Variants in BTAF1 observed in about 807,000 individuals in gnomAD.
BTAF1 encodes TATA-binding protein-associated factor 172.
A neutral mutation model predicts 227.1 loss-of-function variants in BTAF1; 38 were observed. That is an observed-to-expected ratio of 0.17 (90% CI 0.13 to 0.22). The LOEUF is 0.22. Among genes scored for constraint, BTAF1 ranks in the 10% least tolerant of loss-of-function variants. BTAF1 has a pLI of 1.00. For synonymous variants in BTAF1, 742 were observed against 751.9 expected, an observed-to-expected ratio of 0.99 and a Z score of 0.21; for missense variants, 1,598 against 2,204.0, an observed-to-expected ratio of 0.73 and a Z score of 5.51.
intron 5 of BTAF1, among the ~76,000 whole-genome samples, chr10:91,952,843 G>A (rs1361704621): frequency 6.6e-6 from 1 of 152,092 alleles, no homozygotes; most frequent in Non-Finnish European, 1.5e-5. Flanking sequence ...GAGGATAATA[G>A]AATAAAAATG....
At chr10:91,984,846 T>C (rs921085923) in intron 19 of BTAF1, among the ~76,000 whole-genome samples, 2 of 152,202 alleles carry the variant, frequency 1.3e-5, no homozygotes, top group African/African-American at 4.8e-5. Flanking sequence ...ATTTACTTTA[T>C]CACATACGTA....
At chr10:91,941,272 G>A (rs956051144) in intron 3 of BTAF1, among the ~76,000 whole-genome samples, 4 of 152,022 alleles carry the variant, frequency 2.6e-5, no homozygotes, top group Non-Finnish European at 4.4e-5. Flanking sequence ...TAAAAAACTC[G>A]CATTAAGCTA....
intron 34 of BTAF1, among the ~76,000 whole-genome samples, chr10:92,021,424 C>T (rs1470368958): frequency 6.6e-6 from 1 of 152,018 alleles, no homozygotes; most frequent in African/African-American, 2.4e-5. Context: ...GAATTAGTTG[C>T]CAGTAAATAA....
intron 14 of BTAF1, among the ~76,000 whole-genome samples, chr10:91,972,594 C>T (rs925201099): frequency 2.0e-5 from 3 of 152,190 alleles, no homozygotes; most frequent in South Asian, 4.1e-4. Context: ...TTCTGAAAAG[C>T]TGTACGAATA....
intron 13 of BTAF1, among the ~76,000 whole-genome samples, chr10:91,964,901 T>A (rs999580904): frequency 1.3e-5 from 2 of 152,126 alleles, no homozygotes; most frequent in African/African-American, 4.8e-5. Flanking sequence ...TATGCAACTT[T>A]AAAAAATTCA....
chr10:91,973,776 C>T (rs1308167174), intron 14 of BTAF1, among the ~76,000 whole-genome samples: 4 of 150,266 alleles, frequency 2.7e-5, no homozygotes, highest in Non-Finnish European at 6.0e-5. Flanking sequence ...TAGTGGCGGG[C>T]GCCTGTAGTC....
At chr10:92,025,053 A>G in intron 35 of BTAF1, 86 bp downstream of exon 35, 3 of 1,134,694 alleles carry the variant, frequency 2.6e-6, no homozygotes, top group Non-Finnish European at 3.8e-6. Context: ...TTCATTGGCT[A>G]AATATCTGCA....
At chr10:91,961,941 T>A (rs1486845349) in intron 11 of BTAF1, among the ~76,000 whole-genome samples, 1 of 152,222 alleles carries the variant, frequency 6.6e-6, no homozygotes, top group African/African-American at 2.4e-5. Context: ...TTTGTGTGTG[T>A]GTGTATTCAC....
intron 15 of BTAF1, among the ~76,000 whole-genome samples, chr10:91,980,801 C>G (rs1848010960): frequency 6.6e-6 from 1 of 152,080 alleles, no homozygotes; most frequent in African/African-American, 2.4e-5. Context: ...TTTCTGATAG[C>G]CTCAATACAG....
Position 91,982,071 on chromosome 10 carries a change from CT to C in BTAF1, c.1906-11del. 6.3e-7 allele frequency: 1 copy of C among 1,596,168 alleles called. No homozygotes were observed. The highest frequency in any genetic ancestry group is 8.5e-7 in the Non-Finnish European group (1 of 1,172,874). On this transcript the variant is annotated splice_polypyrimidine_tract_variant and intron_variant, in intron 16 of 37. Transcript: ENST00000265990. The stretch of plus-strand genomic sequence containing the variant: ...TTAATCTTTATTGTTTTTTTTTCCC[CT>C]CCCTCTGTAGGAAAAAACAGGTGGT...
At chr10:91,946,274 G>A (rs1052643870) in intron 4 of BTAF1, among the ~76,000 whole-genome samples, 12 of 152,118 alleles carry the variant, frequency 7.9e-5, no homozygotes, top group African/African-American at 1.7e-4. Context: ...CAGGAGAATC[G>A]CTTCAACCTG....
intron 34 of BTAF1, among the ~76,000 whole-genome samples, chr10:92,022,837 G>A (rs990928384): frequency 6.6e-6 from 1 of 152,178 alleles, no homozygotes; most frequent in Non-Finnish European, 1.5e-5. Flanking sequence ...GCAAGATGTA[G>A]GGGTAATTAC....
chr10:91,956,603 T>C lies in BTAF1; in HGVS notation c.777T>C (p.Asn259=). The C allele has an allele frequency of 6.2e-7, 1 of 1,608,432 alleles. No homozygotes were observed. The highest frequency in any genetic ancestry group is 2.2e-5 in the East Asian group (1 of 44,696). ...ATGTTGTTATTAATCAGTCTGCAAA[T>C]GATTCCAAAGTCTTGATTGATAATA... ...IANVVINQSA[N]DSKVLIDNIP... Residue 259 remains asparagine, a synonymous_variant, in exon 7 of 38, where the codon AAT becomes AAC. Coordinates refer to ENST00000265990, the MANE Select transcript of BTAF1 (RefSeq NM_003972.3).
chr10:91,953,382 C>T (rs1845892524), intron 5 of BTAF1, among the ~76,000 whole-genome samples: 1 of 151,902 alleles, frequency 6.6e-6, no homozygotes, highest in South Asian at 2.1e-4. Flanking sequence ...TGATCAGTTT[C>T]TTCTATTGAC....
intron 34 of BTAF1, among the ~76,000 whole-genome samples, 179 bp downstream of exon 34, chr10:92,019,114 T>C (rs116734223): frequency 0.015 from 2,359 of 152,342 alleles, 46 homozygotes; most frequent in African/African-American, 0.054. Context: ...AAATATGCCA[T>C]TTTAACCATT....
At chr10:91,940,789 A>G (rs1253454761) in intron 3 of BTAF1, among the ~76,000 whole-genome samples, 1 of 151,958 alleles carries the variant, frequency 6.6e-6, no homozygotes, top group Non-Finnish European at 1.5e-5. Flanking sequence ...GGTTCAAGCA[A>G]TTCTTGTGCC....
intron 30 of BTAF1, among the ~76,000 whole-genome samples, chr10:92,012,729 C>T (rs1246382607): frequency 7.3e-6 from 1 of 136,850 alleles, no homozygotes; most frequent in Non-Finnish European, 1.5e-5. Context: ...CATGATCGTG[C>T]CATTGCACTG....
chr10:91,942,636 C>T (rs901524608), intron 4 of BTAF1, 68 bp downstream of exon 4: 34 of 1,525,924 alleles, frequency 2.2e-5, no homozygotes, highest in Non-Finnish European at 2.8e-5. Context: ...CTGTGGTATG[C>T]TGTTCATTAG....
chr10:91,972,250 A>G lies in BTAF1; in HGVS notation c.1650+5493A>G, dbSNP rs1847354206. ...GCTCTTGTCAACATTTTCCCCTAATATTTCCTAATGTATACTCTGGAGTCA... is the reference window on the plus strand; with the variant it reads ...GCTCTTGTCAACATTTTCCCCTAATGTTTCCTAATGTATACTCTGGAGTCA... On this transcript the variant is annotated intron_variant, in intron 14 of 37. Coordinates refer to ENST00000265990, the MANE Select transcript of BTAF1 (RefSeq NM_003972.3). Among the ~76,000 whole-genome samples, 5 of 152,194 alleles carry G rather than the reference A, an allele frequency of 3.3e-5. No homozygotes were observed. The South Asian group carries it at 1.0e-3, about 32-fold the overall frequency.
Sources: gnomAD v4.1 joint callset for allele counts (sites outside exome capture counted in the v4.1 genomes callset) on GRCh38, gnomAD v4.1.1 for gene constraint, MANE v1.5 for transcripts, NCBI Gene and HGNC (gene_info 2026-07-23, HGNC 2026-07-21) for gene names.